PHACTR1: variants seen among roughly 807,000 people sequenced by gnomAD.
The protein encoded by PHACTR1 is phosphatase and actin regulator 1.
Under a neutral mutation model 69.2 loss-of-function variants are expected in PHACTR1, and 16 were observed. That is an observed-to-expected ratio of 0.23 (90% CI 0.16 to 0.35). PHACTR1 has a LOEUF of 0.35. PHACTR1 is among the 10% of genes least tolerant of loss of function. PHACTR1 has a pLI of 1.00. For missense variants in PHACTR1, 510 were observed against 734.7 expected (o/e 0.69, Z 3.54); for synonymous variants, 312 against 284.5 (o/e 1.10, Z -0.97).
At chr6:13,163,678 A>G (rs1759379005) in intron 6 of PHACTR1, among the ~76,000 whole-genome samples, 1 of 152,174 alleles carries the variant, frequency 6.6e-6, no homozygotes, top group African/African-American at 2.4e-5. Flanking sequence ...TAGTATATCT[A>G]CAGTTAGGAG....
intron 4 of PHACTR1, among the ~76,000 whole-genome samples, chr6:12,919,495 G>A (rs917221130): frequency 1.3e-5 from 2 of 152,160 alleles, no homozygotes; most frequent in East Asian, 1.9e-4. Context: ...GTGCACACTG[G>A]TACTAAGATC....
At chr6:13,072,954 T>C (rs529401219) in intron 5 of PHACTR1, among the ~76,000 whole-genome samples, 1 of 152,262 alleles carries the variant, frequency 6.6e-6, no homozygotes, top group Non-Finnish European at 1.5e-5. Context: ...TGTTCCGGCA[T>C]TAGACAGTCT....
chr6:12,917,664 A>C lies in PHACTR1; in HGVS notation c.251-135701A>C, dbSNP rs192052648. Among the ~76,000 whole-genome samples the C allele has an allele frequency of 2.0e-3, 305 of 152,298 alleles. 3 individuals are homozygous for C. Among genetic ancestry groups the C allele is most frequent in the African/African-American group, 6.9e-3 (286 of 41,558 alleles). ...CAGCTATTCAGGAGACAGAGGTAGG[A>C]GGTTTGCTTGAGCCCAGGAGTTTGA... On this transcript the variant is annotated intron_variant, in intron 4 of 14. Coordinates refer to ENST00000332995, the MANE Select transcript of PHACTR1 (RefSeq NM_030948.6).
chr6:12,839,908 G>C (rs1452451243), intron 4 of PHACTR1, among the ~76,000 whole-genome samples: 2 of 152,096 alleles, frequency 1.3e-5, no homozygotes, highest in Non-Finnish European at 2.9e-5. Context: ...AAGAACAGAG[G>C]ATCATTGACT....
chr6:13,028,110 A>G (rs1342361550), intron 4 of PHACTR1, among the ~76,000 whole-genome samples: 1 of 152,216 alleles, frequency 6.6e-6, no homozygotes, highest in Non-Finnish European at 1.5e-5. Flanking sequence ...CTTTACCCAC[A>G]TGCATTTTAT....
intron 10 of PHACTR1, among the ~76,000 whole-genome samples, chr6:13,247,123 C>T (rs1037685743): frequency 2.0e-5 from 3 of 152,104 alleles, no homozygotes; most frequent in Admixed American, 2.0e-4. Flanking sequence ...TGCCCTTCAA[C>T]TCATTAAAAC....
intron 4 of PHACTR1, among the ~76,000 whole-genome samples, chr6:12,829,967 A>ATT (rs1777246302): frequency 8.3e-6 from 1 of 119,946 alleles, no homozygotes; most frequent in Non-Finnish European, 1.8e-5. Flanking sequence ...AGAAAGAAAG[A>ATT]GAGAGAGAGA....
rs1177967459 is a variant in PHACTR1 at position 13,211,097 on chromosome 6, T to C, written c.986+4961T>C. On this transcript the variant is annotated intron_variant, in intron 8 of 14. Transcript: ENST00000332995. Reference sequence around the variant, plus strand: ...TCATGATTATTTAGTGACCCTGTTGTGGAACAACTTTTTATTTGTTTATTT... The same window carrying C: ...TCATGATTATTTAGTGACCCTGTTGCGGAACAACTTTTTATTTGTTTATTT... Among the ~76,000 whole-genome samples the C allele has an allele frequency of 2.0e-5, 3 of 152,202 alleles. No individual in the cohort carries two copies. In the East Asian group the frequency reaches 5.8e-4, roughly 29 times the overall value.
intron 5 of PHACTR1, among the ~76,000 whole-genome samples, chr6:13,137,652 G>T (rs1393778381): frequency 6.6e-6 from 1 of 152,252 alleles, no homozygotes; most frequent in Non-Finnish European, 1.5e-5. Context: ...ATGTGTTCAT[G>T]CTGCACAGGT....
chr6:13,030,340 C>T (rs1302457242), intron 4 of PHACTR1, among the ~76,000 whole-genome samples: 1 of 152,164 alleles, frequency 6.6e-6, no homozygotes, highest in African/African-American at 2.4e-5. Flanking sequence ...GAAACTTACA[C>T]AGAGTTTCCT....
At chr6:12,824,867 G>A (rs1776621229) in intron 4 of PHACTR1, among the ~76,000 whole-genome samples, 1 of 152,172 alleles carries the variant, frequency 6.6e-6, no homozygotes, top group Non-Finnish European at 1.5e-5. Flanking sequence ...GGGTCTGAAA[G>A]GGGCTCTATC....
intron 4 of PHACTR1, among the ~76,000 whole-genome samples, chr6:12,884,231 T>C (rs1783404905): frequency 6.6e-6 from 1 of 152,340 alleles, no homozygotes; most frequent in South Asian, 2.1e-4. Flanking sequence ...CATTTTTATT[T>C]CCCAATATCT....
intron 4 of PHACTR1, among the ~76,000 whole-genome samples, chr6:12,782,390 C>T (rs938550589): frequency 1.9e-4 from 29 of 152,132 alleles, no homozygotes; most frequent in African/African-American, 6.8e-4. Context: ...CCTTAACTGA[C>T]CCTTCCAGTA....
At chr6:12,879,164 C>T (rs1426002249) in intron 4 of PHACTR1, among the ~76,000 whole-genome samples, 1 of 152,118 alleles carries the variant, frequency 6.6e-6, no homozygotes. Flanking sequence ...TTTTAGGAGG[C>T]TATGACAATC....
intron 6 of PHACTR1, among the ~76,000 whole-genome samples, chr6:13,161,240 A>G (rs1465128754): frequency 1.3e-5 from 2 of 152,170 alleles, no homozygotes; most frequent in African/African-American, 4.8e-5. Context: ...AGCCTCCCAA[A>G]GTGCTGGGAT....
At chr6:12,913,182 C>T (rs953139821) in intron 4 of PHACTR1, among the ~76,000 whole-genome samples, 1 of 152,192 alleles carries the variant, frequency 6.6e-6, no homozygotes, top group South Asian at 2.1e-4. Flanking sequence ...GATGATGTCT[C>T]CTTGGAAAGA....
chr6:12,762,242 G>T (rs1399963295), intron 4 of PHACTR1, among the ~76,000 whole-genome samples: 2 of 152,050 alleles, frequency 1.3e-5, no homozygotes, highest in African/African-American at 4.8e-5. Flanking sequence ...GAGTTTTACA[G>T]TTTAGAATAC....
At chr6:12,867,302 C>G (rs1781558030) in intron 4 of PHACTR1, among the ~76,000 whole-genome samples, 1 of 152,136 alleles carries the variant, frequency 6.6e-6, no homozygotes, top group Non-Finnish European at 1.5e-5. Flanking sequence ...TTCTAGGAGG[C>G]AAGGGAGAGT....
chr6:12,930,438 A>G (rs1788743080), intron 4 of PHACTR1, among the ~76,000 whole-genome samples: 1 of 152,222 alleles, frequency 6.6e-6, no homozygotes, highest in South Asian at 2.1e-4. Flanking sequence ...TCAAACAATT[A>G]CACCAGTACT....
Sources: gnomAD v4.1 joint callset for allele counts (sites outside exome capture counted in the v4.1 genomes callset) on GRCh38, gnomAD v4.1.1 for gene constraint, MANE v1.5 for transcripts, NCBI Gene and HGNC (gene_info 2026-07-23, HGNC 2026-07-21) for gene names.